RBFOX1: variants seen among roughly 807,000 people sequenced by gnomAD.
RBFOX1 encodes RNA binding protein fox-1 homolog 1.
In RBFOX1, 8 loss-of-function variants were observed where a neutral mutation model predicts 57.7. The ratio of observed to expected loss-of-function variants is 0.14; its 90% CI spans 0.08 to 0.25. The LOEUF is 0.25. Ranked by LOEUF, RBFOX1 falls within the 10% of genes least tolerant of loss-of-function variation. RBFOX1 has a pLI of 1.00. For missense variants in RBFOX1, 611 were observed against 548.5 expected (o/e 1.11, Z -1.14); for synonymous variants, 326 against 222.4 (o/e 1.47, Z -4.15).
intron 4 of RBFOX1, among the ~76,000 whole-genome samples, chr16:5,886,176 A>G (rs919341096): frequency 4.6e-5 from 7 of 152,304 alleles, no homozygotes; most frequent in East Asian, 1.9e-4. Context: ...TTAAGCCTCT[A>G]TTCTTCATAA....
At chr16:7,404,493 A>G (rs1037579322) in intron 4 of RBFOX1, among the ~76,000 whole-genome samples, 2 of 152,204 alleles carry the variant, frequency 1.3e-5, no homozygotes, top group African/African-American at 4.8e-5. Context: ...GCACTGCGTG[A>G]AGCACTTGGC....
chr16:7,425,018 T>A (rs933379902), intron 4 of RBFOX1, among the ~76,000 whole-genome samples: 3 of 152,232 alleles, frequency 2.0e-5, no homozygotes, highest in Admixed American at 6.5e-5. Context: ...ATTATTATTA[T>A]TTTGACATAA....
At chr16:7,071,381 C>T (rs2057299969) in intron 4 of RBFOX1, among the ~76,000 whole-genome samples, 2 of 151,964 alleles carry the variant, frequency 1.3e-5, no homozygotes, top group Non-Finnish European at 1.5e-5. Flanking sequence ...GTTAGAAAAG[C>T]GCAGAGGAGA....
intron 3 of RBFOX1, among the ~76,000 whole-genome samples, chr16:5,695,758 G>A (rs1038419031): frequency 6.6e-6 from 1 of 152,122 alleles, no homozygotes; most frequent in Non-Finnish European, 1.5e-5. Flanking sequence ...CTTAATACTT[G>A]TAATACTTAC....
rs2089727844 is a variant in RBFOX1 at position 7,205,418 on chromosome 16, T to C, written c.27+153320T>C. Among the ~76,000 whole-genome samples, 6 of 149,912 alleles carry C rather than the reference T, an allele frequency of 4.0e-5. No individual in the cohort carries two copies. The Admixed American group carries it at 4.0e-4, about 10-fold the overall frequency. On this transcript the variant is annotated intron_variant, in intron 4 of 15. Coordinates refer to ENST00000550418, the MANE Select transcript of RBFOX1 (RefSeq NM_018723.4). ...CTGTAATCCCAGCTACTCGGGAGGC[T>C]AAGGCAGGAGAATGGCTTGAACCCA...
intron 5 of RBFOX1, among the ~76,000 whole-genome samples, chr16:7,557,026 T>C (rs1420019871): frequency 3.3e-5 from 5 of 152,218 alleles, no homozygotes; most frequent in East Asian, 1.9e-4. Context: ...ATATCAATTA[T>C]TGAACAGTTA....
At chr16:5,741,989 G>T (rs1026518515) in intron 3 of RBFOX1, among the ~76,000 whole-genome samples, 6 of 152,178 alleles carry the variant, frequency 3.9e-5, no homozygotes, top group Non-Finnish European at 8.8e-5. Context: ...TCTCTTCTCA[G>T]TCTTTTGGCA....
chr16:6,841,715 C>T (rs534494776), intron 3 of RBFOX1, among the ~76,000 whole-genome samples: 3 of 152,188 alleles, frequency 2.0e-5, no homozygotes, highest in Admixed American at 2.0e-4. Context: ...GGCACATGAA[C>T]CCTCTAAGAA....
At chr16:5,983,748 C>G (rs924181688) in intron 4 of RBFOX1, among the ~76,000 whole-genome samples, 2 of 152,106 alleles carry the variant, frequency 1.3e-5, no homozygotes, top group African/African-American at 4.8e-5. Flanking sequence ...TTCTTCCACT[C>G]CTGGAGTCAT....
chr16:6,681,602 G>T, intron 3 of RBFOX1, among the ~76,000 whole-genome samples: 1 of 150,536 alleles, frequency 6.6e-6, no homozygotes. Context: ...GTTAGTTAAA[G>T]CCGTAAACAA....
intron 1 of RBFOX1, among the ~76,000 whole-genome samples, chr16:5,400,448 T>C (rs944204595): frequency 1.3e-5 from 2 of 152,180 alleles, no homozygotes; most frequent in African/African-American, 4.8e-5. Context: ...CATAAATACT[T>C]ATTTTTCTAG....
At chr16:5,471,645 A>G (rs910602662) in intron 2 of RBFOX1, among the ~76,000 whole-genome samples, 1 of 152,214 alleles carries the variant, frequency 6.6e-6, no homozygotes, top group Admixed American at 6.5e-5. Context: ...TCCCCAAGGC[A>G]GAACATCCCC....
chr16:5,964,706 A>G (rs891509246), intron 4 of RBFOX1, among the ~76,000 whole-genome samples: 12 of 152,102 alleles, frequency 7.9e-5, no homozygotes, highest in Non-Finnish European at 1.5e-4. Context: ...TGTACATATA[A>G]CATATACACT....
chr16:6,585,913 C>G (rs150792292), intron 2 of RBFOX1, among the ~76,000 whole-genome samples: 3 of 152,042 alleles, frequency 2.0e-5, no homozygotes, highest in African/African-American at 7.2e-5. Context: ...AGAGATCATA[C>G]GCAATTATTT....
chr16:7,490,923 C>G (rs1000195397), intron 4 of RBFOX1, among the ~76,000 whole-genome samples: 1 of 152,156 alleles, frequency 6.6e-6, no homozygotes, highest in Non-Finnish European at 1.5e-5. Flanking sequence ...GATTCTTAGA[C>G]AGTTTCAATC....
intron 2 of RBFOX1, among the ~76,000 whole-genome samples, chr16:6,453,160 C>T (rs556462382): frequency 2.0e-5 from 3 of 152,040 alleles, no homozygotes; most frequent in Non-Finnish European, 4.4e-5. Flanking sequence ...ATGTACAGAA[C>T]GTGCAAGTTC....
chr16:7,102,046 G>C (rs966893920), intron 4 of RBFOX1, among the ~76,000 whole-genome samples: 3 of 152,140 alleles, frequency 2.0e-5, no homozygotes, highest in African/African-American at 7.2e-5. Flanking sequence ...TTGCACCCAT[G>C]CTGGGCTGGC....
intron 1 of RBFOX1, among the ~76,000 whole-genome samples, chr16:6,028,393 C>T (rs992104009): frequency 6.6e-6 from 1 of 151,440 alleles, no homozygotes; most frequent in African/African-American, 2.4e-5. Context: ...AACATGATGA[C>T]CGGGCATGGT....
intron 2 of RBFOX1, among the ~76,000 whole-genome samples, chr16:6,569,799 C>T (rs1031447363): frequency 1.3e-5 from 2 of 152,176 alleles, no homozygotes; most frequent in Admixed American, 6.5e-5. Context: ...CTGAATTCCA[C>T]GGCTGTTTCG....
Sources: allele counts gnomAD v4.1 joint callset (sites outside exome capture counted in the v4.1 genomes callset), GRCh38; gene constraint gnomAD v4.1.1; transcripts MANE v1.5; gene names NCBI Gene and HGNC (gene_info 2026-07-23, HGNC 2026-07-21).